PDE9A: variants seen among roughly 807,000 people sequenced by gnomAD.
PDE9A encodes phosphodiesterase 9A.
In PDE9A, 60 loss-of-function variants were observed where a neutral mutation model predicts 87.4. The ratio of observed to expected loss-of-function variants is 0.69; its 90% CI spans 0.56 to 0.85. PDE9A has a LOEUF of 0.85. Ranked by LOEUF, PDE9A falls within the 40% of genes least tolerant of loss-of-function variation. The pLI, the probability that PDE9A is intolerant of heterozygous loss-of-function variation, is 0.00. For missense variants in PDE9A, 665 were observed against 779.0 expected, an observed-to-expected ratio of 0.85 and a Z score of 1.74; for synonymous variants, 272 against 279.4, an observed-to-expected ratio of 0.97 and a Z score of 0.27.
chr21:42,713,940 G>A (rs910915571), intron 4 of PDE9A, among the ~76,000 whole-genome samples: 4 of 131,796 alleles, frequency 3.0e-5, no homozygotes, highest in Admixed American at 7.8e-5. Context: ...TCGCTTTGTT[G>A]CCCAGGCTGG....
At chr21:42,756,467 G>T (rs1303953671) in intron 10 of PDE9A, among the ~76,000 whole-genome samples, 1 of 152,230 alleles carries the variant, frequency 6.6e-6, no homozygotes, top group Admixed American at 6.5e-5. Flanking sequence ...TCTCCGAGTG[G>T]TTTGGCCCAG....
chr21:42,768,850 C>G (rs1393858032), intron 16 of PDE9A, 177 bp from the exon 17 acceptor site: 23 of 985,128 alleles, frequency 2.3e-5, no homozygotes, highest in Non-Finnish European at 2.4e-5. Context: ...CCTGCACGCC[C>G]AGCTCTGTTT....
At chr21:42,665,236 C>G (rs1182209870) in intron 1 of PDE9A, among the ~76,000 whole-genome samples, 1 of 152,220 alleles carries the variant, frequency 6.6e-6, no homozygotes, top group Non-Finnish European at 1.5e-5. Flanking sequence ...AAGGAGCCAG[C>G]CCCGCCCATG....
chr21:42,703,422 G>T (rs946544210), intron 4 of PDE9A, among the ~76,000 whole-genome samples: 7 of 152,258 alleles, frequency 4.6e-5, no homozygotes, highest in Admixed American at 3.9e-4. Flanking sequence ...ACCATCGGGA[G>T]CAGAGGGGAA....
chr21:42,670,109 G>A (rs547613706), intron 1 of PDE9A, among the ~76,000 whole-genome samples: 1 of 151,462 alleles, frequency 6.6e-6, no homozygotes, highest in East Asian at 1.9e-4. Flanking sequence ...TCACACATAT[G>A]CTTACACACA....
chr21:42,742,457 CTTTTTTT>C (rs60925435), intron 7 of PDE9A, among the ~76,000 whole-genome samples: 2 of 71,542 alleles, frequency 2.8e-5, no homozygotes, highest in Non-Finnish European at 2.5e-5. Flanking sequence ...AAGCTGTCTG[CTTTTTTT>C]TTTTTTTTTT....
intron 3 of PDE9A, 152 bp from the exon 4 acceptor site, chr21:42,698,816 A>G (rs970142158): frequency 6.2e-5 from 31 of 501,064 alleles, no homozygotes; most frequent in East Asian, 2.2e-4. Context: ...GAAGCTGAGA[A>G]CAGTCAAAGA....
chr21:42,740,443 CA>C (rs56151302), intron 7 of PDE9A, among the ~76,000 whole-genome samples: 51,674 of 113,970 alleles, frequency 0.45, 9,634 homozygotes, highest in African/African-American at 0.58. Context: ...GCCCCTGTCT[CA>C]AAAAAAAAAA....
intron 3 of PDE9A, among the ~76,000 whole-genome samples, 164 bp downstream of exon 3, chr21:42,688,158 G>A (rs896646170): frequency 3.9e-5 from 6 of 152,176 alleles, no homozygotes; most frequent in Non-Finnish European, 7.3e-5. Context: ...TTGACTCGTC[G>A]TGTTCCCCTG....
chr21:42,703,007 A>T (rs2146361026), intron 4 of PDE9A, among the ~76,000 whole-genome samples: 1 of 152,334 alleles, frequency 6.6e-6, no homozygotes, highest in South Asian at 2.1e-4. Flanking sequence ...TCCAAGAGGA[A>T]GCTATTTTTT....
intron 3 of PDE9A, among the ~76,000 whole-genome samples, chr21:42,688,940 TG>T (rs1461481307): frequency 1.3e-5 from 2 of 149,868 alleles, no homozygotes; most frequent in Non-Finnish European, 3.0e-5. Context: ...CCAGTGGACG[TG>T]GCCAGTGCTG....
At chr21:42,750,094 C>T (rs1158364305) in intron 8 of PDE9A, among the ~76,000 whole-genome samples, 6 of 152,022 alleles carry the variant, frequency 3.9e-5, no homozygotes, top group South Asian at 2.1e-4. Flanking sequence ...GCAAAGATTG[C>T]GCCACTGCAC....
At position 42,762,114 on chromosome 21, in the gene PDE9A, G is replaced by C. The variant is rs1359581332; in HGVS notation, c.1117G>C (p.Val373Leu). 6.2e-7 allele frequency: 1 copy of C among 1,614,080 alleles called. No homozygotes were observed. Among genetic ancestry groups the C allele is most frequent in the Non-Finnish European group, 8.5e-7 (1 of 1,179,980 alleles). Residue 373 changes from valine (V) to leucine (L), a missense_variant, in exon 14 of 20, where the codon GTC (valine) becomes CTC (leucine). Coordinates refer to ENST00000291539, the MANE Select transcript of PDE9A (RefSeq NM_002606.3). ...GATCAATGCCCGCACAGAGCTGGCG[G>C]TCCGCTACAATGACATCTCACCGCT... is the stretch of plus-strand genomic sequence containing the variant. ...YQINARTELA[V>L]RYNDISPLEN...
intron 8 of PDE9A, among the ~76,000 whole-genome samples, chr21:42,744,914 G>A (rs1320286272): frequency 4.6e-5 from 7 of 152,210 alleles, no homozygotes; most frequent in African/African-American, 9.6e-5. Flanking sequence ...TCACACCTCC[G>A]GGCTTTGCCT....
At chr21:42,669,335 T>C (rs1384892953) in intron 1 of PDE9A, among the ~76,000 whole-genome samples, 1 of 152,118 alleles carries the variant, frequency 6.6e-6, no homozygotes, top group Non-Finnish European at 1.5e-5. Flanking sequence ...ACCACCTTTC[T>C]GTTTGTTGTT....
chr21:42,683,615 C>T (rs2059289746), intron 1 of PDE9A, among the ~76,000 whole-genome samples: 1 of 152,220 alleles, frequency 6.6e-6, no homozygotes, highest in Non-Finnish European at 1.5e-5. Flanking sequence ...GATGGAGAAG[C>T]CCCAGGCCCA....
chr21:42,720,616 G>A (rs900027673), intron 4 of PDE9A, among the ~76,000 whole-genome samples: 2 of 152,214 alleles, frequency 1.3e-5, no homozygotes, highest in Non-Finnish European at 2.9e-5. Context: ...CGTCTTTGCA[G>A]CTCTAAATAG....
At position 42,712,420 on chromosome 21, in the gene PDE9A, T is replaced by C. The variant is rs528528411; in HGVS notation, c.262+13409T>C. Among the ~76,000 whole-genome samples, 65 of 152,380 alleles carry C rather than the reference T, an allele frequency of 4.3e-4. 1 individual carries two copies. The highest frequency in any genetic ancestry group is 1.5e-3 in the African/African-American group (64 of 41,596). Reference sequence around the variant, plus strand: ...CATTGGTTAGTTCTAGTTGTTGTTTTATAGGTTCCTATAATTGTCCACAGA... The same window carrying C: ...CATTGGTTAGTTCTAGTTGTTGTTTCATAGGTTCCTATAATTGTCCACAGA... On this transcript the variant is annotated intron_variant, in intron 4 of 19. Transcript: ENST00000291539.
At position 42,759,191 on chromosome 21, in the gene PDE9A, C is replaced by G. The variant is rs889895710; in HGVS notation, c.897+106C>G. The G allele has an allele frequency of 1.3e-6, 1 of 763,040 alleles. No homozygotes were observed. Among genetic ancestry groups the G allele is most frequent in the Non-Finnish European group, 2.3e-6 (1 of 437,536 alleles). 47.3% of individuals were successfully genotyped at this position (763,040 alleles called of 1,614,324 possible). ...AGGGCACCTTCCGGATGGCACTGCG[C>G]TCCCTGTGAGCAGAGGTGACATTTC... On this transcript the variant is annotated intron_variant, in intron 11 of 19. Transcript: ENST00000291539. This position sits in a 1 kb window ranked among gnomAD's most constrained non-coding sequence, Gnocchi z 7.2.
Sources: gnomAD v4.1 joint callset for allele counts (sites outside exome capture counted in the v4.1 genomes callset) on GRCh38, gnomAD v4.1.1 for gene constraint, Gnocchi (gnomAD v3.1) non-coding constraint, MANE v1.5 for transcripts, NCBI Gene and HGNC (gene_info 2026-07-23, HGNC 2026-07-21) for gene names.